Variants in FARP1 observed in about 807,000 individuals in gnomAD.
FARP1 encodes the protein FERM, ARHGEF and pleckstrin domain-containing protein 1.
FARP1 carries 52 observed loss-of-function variants against 128.8 expected under a neutral mutation model. The observed-to-expected ratio is 0.40, with a 90% CI of 0.32 to 0.51. FARP1 has a LOEUF of 0.51. FARP1 is among the 20% of genes least tolerant of loss of function. FARP1 has a pLI of 0.45. For synonymous variants in FARP1, 580 were observed against 551.8 expected (o/e 1.05, Z -0.72); for missense variants, 1,333 against 1,367.9 (o/e 0.97, Z 0.40).
In FARP1 at chr13:98,409,448, G is replaced by C; in HGVS notation, c.1525G>C (p.Ala509Pro). The change falls in exon 14 of 27, where the codon GCC becomes CCC. Residue 509 changes from alanine to proline, a missense_variant. Physicochemically the swap from Ala to Pro is conservative, Grantham distance 27. Transcript: ENST00000319562. ...SPNLSPDTKQASPLISPLLND... is the reference protein window; with the variant it reads ...SPNLSPDTKQPSPLISPLLND... ...CAACCTGAGCCCCGACACCAAGCAG[G>C]CCTCTCCCTTGATCAGCCCGCTGCT... 1.2e-6 allele frequency: 2 copies of C among 1,614,052 alleles called. No individual in the cohort carries two copies. The highest frequency in any genetic ancestry group is 2.7e-5 in the African/African-American group (2 of 75,028).
intron 2 of FARP1, among the ~76,000 whole-genome samples, chr13:98,316,523 C>A (rs1886728363): frequency 6.6e-6 from 1 of 152,184 alleles, no homozygotes; most frequent in Admixed American, 6.5e-5. Context: ...GGAGCCCCCT[C>A]CCCATCCAGG....
intron 2 of FARP1, 127 bp from the exon 3 acceptor site, chr13:98,343,635 G>A: frequency 1.4e-6 from 1 of 694,632 alleles, no homozygotes; most frequent in Non-Finnish European, 2.6e-6. Context: ...GTGTCACGGA[G>A]GTGGGCGGTG....
intron 1 of FARP1, among the ~76,000 whole-genome samples, chr13:98,146,001 T>C (rs1293835658): frequency 6.6e-6 from 1 of 152,190 alleles, no homozygotes; most frequent in Non-Finnish European, 1.5e-5. Context: ...ATTTAATTTA[T>C]TGAACACCTA....
intron 1 of FARP1, among the ~76,000 whole-genome samples, chr13:98,157,367 A>G (rs1245510881): frequency 3.3e-5 from 5 of 151,152 alleles, no homozygotes; most frequent in African/African-American, 4.9e-5. Flanking sequence ...TACAAGCCAC[A>G]GAGCCTTCCT....
chr13:98,281,142 T>G (rs1248195140), intron 2 of FARP1, among the ~76,000 whole-genome samples: 1 of 152,144 alleles, frequency 6.6e-6, no homozygotes, highest in African/African-American at 2.4e-5. Flanking sequence ...GATCATGAGG[T>G]CAGGAGTTGG....
intron 1 of FARP1, among the ~76,000 whole-genome samples, chr13:98,168,983 G>A (rs1877467734): frequency 6.6e-6 from 1 of 152,162 alleles, no homozygotes; most frequent in African/African-American, 2.4e-5. Flanking sequence ...CTTGTTCACT[G>A]CTGAGCCAGA....
At chr13:98,154,897 G>A (rs1214416852) in intron 1 of FARP1, among the ~76,000 whole-genome samples, 2 of 152,136 alleles carry the variant, frequency 1.3e-5, no homozygotes, top group Admixed American at 1.3e-4. Context: ...AACAATTCTG[G>A]CATGGAGGTT....
Position 98,146,782 on chromosome 13 carries a change from C to T in FARP1, c.-24+3290C>T, listed in dbSNP as rs1212814750. Among the ~76,000 whole-genome samples, 7 of 152,298 alleles carry T rather than the reference C, an allele frequency of 4.6e-5. No individual in the cohort carries two copies. The South Asian group carries it at 1.0e-3, about 23-fold the overall frequency. ...GGGAGGCTGTGGGGTTTTAGGCTCT[C>T]GTGGCAGTCTCTCTCCTGTTGTTTG... On this transcript the variant is annotated intron_variant, in intron 1 of 26. Transcript: ENST00000319562.
In FARP1 at chr13:98,449,153, A is replaced by T. The variant is rs1320678278; in HGVS notation, c.*836A>T. 6.6e-6 allele frequency: 1 copy of T among 152,144 alleles called. No homozygotes were observed. Among genetic ancestry groups the T allele is most frequent in the Non-Finnish European group, 1.5e-5 (1 of 68,032 alleles). 9.4% of individuals were successfully genotyped at this position (152,144 alleles called of 1,614,324 possible). ...GAAAACCCGTGTGTCATTGATCAGC[A>T]CCATTTGTGGTATGTTCCGTGATGA... is the stretch of plus-strand genomic sequence containing the variant. On this transcript the variant is annotated 3_prime_UTR_variant, in exon 27 of 27. Coordinates refer to ENST00000319562, the MANE Select transcript of FARP1 (RefSeq NM_005766.4).
At chr13:98,226,384 C>A (rs1303455626) in intron 2 of FARP1, among the ~76,000 whole-genome samples, 1 of 152,188 alleles carries the variant, frequency 6.6e-6, no homozygotes, top group Non-Finnish European at 1.5e-5. Flanking sequence ...GATTAGGGCC[C>A]GCCCTACTGA....
chr13:98,238,065 T>A (rs1245009905), intron 2 of FARP1, among the ~76,000 whole-genome samples: 31 of 152,272 alleles, frequency 2.0e-4, no homozygotes, highest in Non-Finnish European at 7.4e-5. Flanking sequence ...GAGAATGTCA[T>A]GCCAGCAAAA....
intron 3 of FARP1, among the ~76,000 whole-genome samples, chr13:98,363,239 C>G (rs1475988917): frequency 6.6e-6 from 1 of 152,180 alleles, no homozygotes; most frequent in Non-Finnish European, 1.5e-5. Flanking sequence ...ATCTGGGCAT[C>G]AGGACTAGGG....
chr13:98,422,152 G>A (rs775638295), intron 16 of FARP1, among the ~76,000 whole-genome samples: 14 of 152,198 alleles, frequency 9.2e-5, no homozygotes, highest in Non-Finnish European at 2.1e-4. Context: ...AGGTGGCCAC[G>A]AGAATTGAAG....
intron 1 of FARP1, among the ~76,000 whole-genome samples, chr13:98,170,698 G>A (rs1877593952): frequency 6.6e-6 from 1 of 151,146 alleles, no homozygotes; most frequent in South Asian, 2.1e-4. Flanking sequence ...TACCATGTTG[G>A]TCAGGCTGGT....
chr13:98,351,082 C>A (rs1888401830), intron 3 of FARP1, among the ~76,000 whole-genome samples: 1 of 127,320 alleles, frequency 7.9e-6, no homozygotes, highest in Admixed American at 8.8e-5. Context: ...CGCCTCCCCA[C>A]AGAAGCGATC....
chr13:98,272,531 G>GT (rs1403910612), intron 2 of FARP1, among the ~76,000 whole-genome samples: 1 of 152,156 alleles, frequency 6.6e-6, no homozygotes, highest in African/African-American at 2.4e-5. Flanking sequence ...GGATCCTTCT[G>GT]TTTAAGTCAC....
chr13:98,177,033 G>GC (rs1878117351), intron 1 of FARP1: 1 of 1,594,448 alleles, frequency 6.3e-7, no homozygotes, highest in Non-Finnish European at 8.5e-7. Flanking sequence ...AGCTGTGGAG[G>GC]CCCCGGGGCC....
intron 2 of FARP1, among the ~76,000 whole-genome samples, chr13:98,267,269 CACAGTA>C (rs1157538517): frequency 5.9e-5 from 9 of 152,180 alleles, no homozygotes; most frequent in Non-Finnish European, 1.3e-4. Flanking sequence ...CTTCCTGCTT[CACAGTA>C]ACTGCTTTCA....
chr13:98,181,871 T>C lies in FARP1; in HGVS notation c.-23-31349T>C, dbSNP rs560087186. ...GGGTCTTATCACACATGGTATTTAA[T>C]ACTTAAAGATGTAAAATAAAATAGA... On this transcript the variant is annotated intron_variant, in intron 1 of 26. Coordinates refer to ENST00000319562, the MANE Select transcript of FARP1 (RefSeq NM_005766.4). 2.6e-5 allele frequency among the ~76,000 whole-genome samples: 4 copies of C among 152,174 alleles called. 1 individual carries two copies. Among genetic ancestry groups the C allele is most frequent in the African/African-American group, 9.6e-5 (4 of 41,534 alleles).
Sources: gnomAD v4.1 joint callset for allele counts (sites outside exome capture counted in the v4.1 genomes callset) on GRCh38, gnomAD v4.1.1 for gene constraint, MANE v1.5 for transcripts, NCBI Gene and HGNC (gene_info 2026-07-23, HGNC 2026-07-21) for gene names.